The following OTOGL variants were observed in gnomAD, a reference collection of about 807,000 sequenced individuals.
OTOGL encodes otogelin like.
Under a neutral mutation model 318.5 loss-of-function variants are expected in OTOGL, and 285 were observed. That is an observed-to-expected ratio of 0.89 (90% CI 0.81 to 0.99). The LOEUF (loss-of-function observed/expected upper bound fraction) is 0.99, where lower values mean the gene tolerates loss of function less well. Among genes scored for constraint, OTOGL ranks in the 50% least tolerant of loss-of-function variants. OTOGL has a pLI of 0.00. For missense variants in OTOGL, 2,899 were observed against 2,845.6 expected, an observed-to-expected ratio of 1.02 and a Z score of -0.43; for synonymous variants, 987 against 936.5, an observed-to-expected ratio of 1.05 and a Z score of -0.99.
At chr12:80,366,849 A>G (rs1197215885) in intron 53 of OTOGL, among the ~76,000 whole-genome samples, 1 of 151,896 alleles carries the variant, frequency 6.6e-6, no homozygotes, top group Non-Finnish European at 1.5e-5. Flanking sequence ...ACAGAAATAT[A>G]AATATTTTTT....
chr12:80,259,286 C>A (rs1434439607), intron 18 of OTOGL, among the ~76,000 whole-genome samples: 3 of 151,378 alleles, frequency 2.0e-5, no homozygotes, highest in Non-Finnish European at 4.4e-5. Context: ...GTGGGCTGGG[C>A]AGCCAGGGGA....
chr12:80,359,193 T>G (rs1890097288), intron 52 of OTOGL, among the ~76,000 whole-genome samples: 1 of 152,174 alleles, frequency 6.6e-6, no homozygotes, highest in Non-Finnish European at 1.5e-5. Context: ...AAAAATTATC[T>G]TAATATTGAG....
At chr12:80,307,706 C>G (rs1225972499) in intron 29 of OTOGL, among the ~76,000 whole-genome samples, 1 of 144,694 alleles carries the variant, frequency 6.9e-6, no homozygotes, top group East Asian at 2.2e-4. Flanking sequence ...AGGCGCCCCT[C>G]ACTTCCCGGA....
intron 53 of OTOGL, among the ~76,000 whole-genome samples, chr12:80,367,008 G>T (rs1890582323): frequency 6.6e-6 from 1 of 151,874 alleles, no homozygotes; most frequent in African/African-American, 2.4e-5. Context: ...AGACAGAGTT[G>T]CTCTGTTACC....
At chr12:80,308,256 G>A (rs1234058850) in intron 29 of OTOGL, among the ~76,000 whole-genome samples, 8 of 151,410 alleles carry the variant, frequency 5.3e-5, no homozygotes, top group Non-Finnish European at 7.4e-5. Context: ...CAGACGGGGC[G>A]GCTGCCGGGC....
rs1347122533 is a variant in OTOGL at position 80,310,666 on chromosome 12, C to T, written c.3389C>T (p.Pro1130Leu). 3 of 1,597,274 alleles carry T rather than the reference C, an allele frequency of 1.9e-6. No homozygotes were observed. Among genetic ancestry groups the T allele is most frequent in the Admixed American group, 3.3e-5 (2 of 60,002 alleles). Residue 1130 changes from proline (P) to leucine (L), a missense_variant, in exon 30 of 59, where the codon CCT becomes CTT. Physicochemically the swap from Pro to Leu is moderately conservative, Grantham distance 98. Transcript: ENST00000547103. ...KPCEAHQNKFPYAKKECSILY... is the reference protein window; with the variant it reads ...KPCEAHQNKFLYAKKECSILY... ...TGTGAGGCACATCAAAACAAATTTC[C>T]TTATGCCAAGAAAGAATGCTCCATT...
intron 1 of OTOGL, among the ~76,000 whole-genome samples, chr12:80,108,848 GTA>G (rs375973972): frequency 7.7e-6 from 1 of 130,070 alleles, no homozygotes; most frequent in South Asian, 2.3e-4. Flanking sequence ...ATATATATGT[GTA>G]TATATATGTG....
intron 18 of OTOGL, among the ~76,000 whole-genome samples, chr12:80,260,612 T>C (rs889834565): frequency 6.6e-6 from 1 of 152,200 alleles, no homozygotes; most frequent in Non-Finnish European, 1.5e-5. Flanking sequence ...CATTGCGGAA[T>C]AGAAAATATT....
At chr12:80,180,233 G>A (rs10862077) in intron 1 of OTOGL, among the ~76,000 whole-genome samples, 962 of 30,668 alleles carry the variant, frequency 0.031, 2 homozygotes, top group Middle Eastern at 0.2. Flanking sequence ...GATATGGAGG[G>A]TCATAGGCTC....
In OTOGL at chr12:80,378,643, T is replaced by C. The variant is rs1257636429; in HGVS notation, c.*595T>C. Reference sequence around the variant, plus strand: ...CGTACAAATTTATTCAGTGTAATAATATAGTAAATTCATGTTAACAGTTGG... The same window carrying C: ...CGTACAAATTTATTCAGTGTAATAACATAGTAAATTCATGTTAACAGTTGG... On this transcript the variant is annotated 3_prime_UTR_variant, in exon 59 of 59. Coordinates refer to ENST00000547103, the MANE Select transcript of OTOGL (RefSeq NM_001378609.3). 6.6e-6 allele frequency: 1 copy of C among 152,270 alleles called. No homozygotes were observed. The highest frequency in any genetic ancestry group is 1.5e-5 in the Non-Finnish European group (1 of 68,104). 9.4% of individuals were successfully genotyped at this position (152,270 alleles called of 1,614,324 possible).
At chr12:80,217,170 G>T (rs1297497799) in intron 4 of OTOGL, among the ~76,000 whole-genome samples, 1 of 151,978 alleles carries the variant, frequency 6.6e-6, no homozygotes, top group South Asian at 2.1e-4. Flanking sequence ...TCTGCGCCTG[G>T]AAGTGTCAGA....
intron 1 of OTOGL, among the ~76,000 whole-genome samples, chr12:80,179,738 T>G (rs1392143096): frequency 4.6e-5 from 7 of 152,166 alleles, no homozygotes; most frequent in Admixed American, 4.6e-4. Flanking sequence ...GTTTGGCCAG[T>G]TTTGCTCACT....
intron 46 of OTOGL, among the ~76,000 whole-genome samples, chr12:80,353,923 T>A (rs1038328040): frequency 2.0e-5 from 3 of 152,214 alleles, no homozygotes; most frequent in Admixed American, 6.5e-5. Flanking sequence ...GAAAGCATTT[T>A]GCATTTGACA....
intron 1 of OTOGL, among the ~76,000 whole-genome samples, chr12:80,156,308 T>C (rs1873111936): frequency 6.6e-6 from 1 of 152,216 alleles, no homozygotes; most frequent in African/African-American, 2.4e-5. Context: ...GTTCTTCAGC[T>C]TTGGAACTCA....
At chr12:80,291,959 CT>C (rs920972637) in intron 26 of OTOGL, among the ~76,000 whole-genome samples, 8 of 151,822 alleles carry the variant, frequency 5.3e-5, no homozygotes, top group Admixed American at 1.3e-4. Context: ...ATTTTCTTTT[CT>C]TTTTTTTCTT....
chr12:80,286,233 G>A (rs1027023428), intron 26 of OTOGL, among the ~76,000 whole-genome samples: 14 of 152,108 alleles, frequency 9.2e-5, no homozygotes, highest in African/African-American at 2.4e-4. Context: ...CACCTTGATC[G>A]TGGTGGATAA....
intron 1 of OTOGL, among the ~76,000 whole-genome samples, chr12:80,162,808 A>G (rs922926757): frequency 6.6e-6 from 1 of 151,454 alleles, no homozygotes; most frequent in African/African-American, 2.4e-5. Flanking sequence ...TTGGCGTAGA[A>G]CTCCAATATG....
intron 1 of OTOGL, among the ~76,000 whole-genome samples, chr12:80,109,533 G>A (rs1271399386): frequency 6.6e-6 from 1 of 152,160 alleles, no homozygotes; most frequent in East Asian, 1.9e-4. Flanking sequence ...TTGTTTGAAG[G>A]ATATTTATAC....
chr12:80,221,621 C>T (rs1592565623), intron 6 of OTOGL, among the ~76,000 whole-genome samples: 3 of 151,860 alleles, frequency 2.0e-5, no homozygotes, highest in Non-Finnish European at 2.9e-5. Flanking sequence ...GTCCCAGACA[C>T]GTAAATATGA....
Sources: gnomAD v4.1 joint callset for allele counts (sites outside exome capture counted in the v4.1 genomes callset) on GRCh38, gnomAD v4.1.1 for gene constraint, MANE v1.5 for transcripts, NCBI Gene and HGNC (gene_info 2026-07-23, HGNC 2026-07-21) for gene names.